ARG2: variants seen among roughly 807,000 people sequenced by gnomAD.
ARG2 encodes the protein arginase-2, mitochondrial.
In ARG2, 21 loss-of-function variants were observed where a neutral mutation model predicts 39.4. The observed-to-expected ratio is 0.53, with a 90% CI of 0.38 to 0.77. The LOEUF is 0.77. Ranked by LOEUF, ARG2 falls within the 30% of genes least tolerant of loss-of-function variation. The pLI, the probability that ARG2 is intolerant of heterozygous loss-of-function variation, is 0.00. For synonymous variants in ARG2, 150 were observed against 156.7 expected (o/e 0.96, Z 0.32); for missense variants, 378 against 426.2 (o/e 0.89, Z 1.00).
intron 2 of ARG2, among the ~76,000 whole-genome samples, chr14:67,629,969 C>T (rs1026736942): frequency 6.6e-6 from 1 of 152,152 alleles, no homozygotes; most frequent in Non-Finnish European, 1.5e-5. Context: ...AAAAAATCAT[C>T]CTAAATGCAT....
intron 2 of ARG2, among the ~76,000 whole-genome samples, chr14:67,640,003 G>A (rs1172969150): frequency 6.8e-6 from 1 of 148,000 alleles, no homozygotes; most frequent in African/African-American, 2.5e-5. Context: ...ACTTGATATT[G>A]ACTTGAAGGT....
At chr14:67,620,418 G>A (rs2036797067) in intron 1 of ARG2, among the ~76,000 whole-genome samples, 1 of 152,106 alleles carries the variant, frequency 6.6e-6, no homozygotes, top group Non-Finnish European at 1.5e-5. Context: ...CCTTGGAGGG[G>A]CTGGAGGAGG....
chr14:67,636,549 T>C (rs1209138578), intron 2 of ARG2, among the ~76,000 whole-genome samples: 1 of 152,216 alleles, frequency 6.6e-6, no homozygotes, highest in Non-Finnish European at 1.5e-5. Context: ...GAAATAGAAG[T>C]GCTGTTCACA....
At chr14:67,645,890 T>G (rs1594829715) in intron 4 of ARG2, 88 bp downstream of exon 4, 2 of 1,472,962 alleles carry the variant, frequency 1.4e-6, no homozygotes, top group South Asian at 2.6e-5. Flanking sequence ...TGGTGAAGGG[T>G]GGGTTGAGTG....
intron 2 of ARG2, among the ~76,000 whole-genome samples, chr14:67,639,724 C>T (rs971665759): frequency 6.6e-6 from 1 of 151,996 alleles, no homozygotes; most frequent in Non-Finnish European, 1.5e-5. Flanking sequence ...AGTTCGAGAC[C>T]AGCCTAGCCA....
In ARG2 at chr14:67,650,920, G is replaced by A. The variant is rs780811499; in HGVS notation, c.1065G>A (p.Ter355=). ...AAAATCAAGCACGTGTGAGAATTTA[G>A]GAGACACTGTGCACTGACATGTTTC... The part of the protein sequence containing the change: ...ESENQARVRI[*] Residue 355 remains the stop codon, a stop_retained_variant, in exon 8 of 8, where the codon TAG becomes TAA. Transcript: ENST00000261783. 15 of 1,613,608 alleles carry A rather than the reference G, an allele frequency of 9.3e-6. No individual in the cohort carries two copies. Among genetic ancestry groups the A allele is most frequent in the South Asian group, 2.2e-5 (2 of 91,076 alleles).
chr14:67,623,505 A>G (rs2036831864), intron 2 of ARG2, among the ~76,000 whole-genome samples: 1 of 148,410 alleles, frequency 6.7e-6, no homozygotes, highest in South Asian at 2.1e-4. Context: ...TGGGCTTAGT[A>G]AGGACACTCA....
chr14:67,651,349 C>A lies in ARG2; in HGVS notation c.*429C>A. The A allele has an allele frequency of 1.2e-6, 2 of 1,612,618 alleles. No homozygotes were observed. Among genetic ancestry groups the A allele is most frequent in the South Asian group, 2.2e-5 (2 of 90,902 alleles). ...CCCTAACATCATGCATTCACAAGGT[C>A]AAAGTTCTGGTCCACAAACCCTTCC... On this transcript the variant is annotated 3_prime_UTR_variant, in exon 8 of 8. Coordinates refer to ENST00000261783, the MANE Select transcript of ARG2 (RefSeq NM_001172.4).
intron 3 of ARG2, among the ~76,000 whole-genome samples, chr14:67,643,248 G>C (rs796768203): frequency 5.3e-5 from 8 of 152,308 alleles, no homozygotes; most frequent in African/African-American, 1.7e-4. Context: ...CAGGAAATTT[G>C]TGATATATTA....
intron 2 of ARG2, among the ~76,000 whole-genome samples, chr14:67,630,512 A>G (rs929251974): frequency 3.9e-5 from 6 of 152,152 alleles, no homozygotes; most frequent in South Asian, 2.1e-4. Context: ...TGCTTATCCT[A>G]TTGTCCAGAA....
intron 2 of ARG2, among the ~76,000 whole-genome samples, chr14:67,637,165 T>C (rs2036980068): frequency 6.6e-6 from 1 of 151,902 alleles, no homozygotes; most frequent in Non-Finnish European, 1.5e-5. Context: ...ATCCTAGCGC[T>C]TTGGGAGGCT....
chr14:67,635,825 G>A (rs146510076), intron 2 of ARG2, among the ~76,000 whole-genome samples: 2 of 152,264 alleles, frequency 1.3e-5, no homozygotes, highest in South Asian at 2.1e-4. Context: ...TCACTCCAGC[G>A]TGGGTGAAAG....
chr14:67,641,747 T>TG (rs2037033649), intron 2 of ARG2, among the ~76,000 whole-genome samples: 1 of 152,158 alleles, frequency 6.6e-6, no homozygotes, highest in Non-Finnish European at 1.5e-5. Flanking sequence ...TGAGACCAGC[T>TG]GGGGCAACAT....
Position 67,650,918 on chromosome 14 carries a change from T to G in ARG2, c.1063T>G (p.Ter355GluextTer19). 1 of 1,613,788 alleles carries G rather than the reference T, an allele frequency of 6.2e-7. No individual in the cohort carries two copies. Among genetic ancestry groups the G allele is most frequent in the Non-Finnish European group, 8.5e-7 (1 of 1,179,876 alleles). ...ESENQARVRI[*>E] is the part of the protein sequence containing the mutation. ...AGAAAATCAAGCACGTGTGAGAATT[T>G]AGGAGACACTGTGCACTGACATGTT... Residue 355 changes from the stop codon to glutamate (E), a stop_lost, in exon 8 of 8, where the codon TAG becomes GAG. Coordinates refer to ENST00000261783, the MANE Select transcript of ARG2 (RefSeq NM_001172.4).
chr14:67,630,578 G>GTTTA (rs375672749), intron 2 of ARG2, among the ~76,000 whole-genome samples: 3 of 152,128 alleles, frequency 2.0e-5, no homozygotes, highest in Admixed American at 6.6e-5. Context: ...TAGTTTTTAT[G>GTTTA]TTTATTTATT....
rs1594832396 is a variant in ARG2 at position 67,651,266 on chromosome 14, A to G, written c.*346A>G. On this transcript the variant is annotated 3_prime_UTR_variant, in exon 8 of 8. Coordinates refer to ENST00000261783, the MANE Select transcript of ARG2 (RefSeq NM_001172.4). Reference sequence around the variant, plus strand: ...TCCTCCCTCCTCCCACAGCCTGGCTATACAGTGCATCCTTGAACTGTCAGC... The same window carrying G: ...TCCTCCCTCCTCCCACAGCCTGGCTGTACAGTGCATCCTTGAACTGTCAGC... The G allele has an allele frequency of 1.9e-6, 3 of 1,575,456 alleles. No individual in the cohort carries two copies. Among genetic ancestry groups the G allele is most frequent in the East Asian group, 2.3e-5 (1 of 44,224 alleles).
At chr14:67,642,793 C>CTTTTTT (rs869215946) in intron 3 of ARG2, among the ~76,000 whole-genome samples, 2,019 of 75,534 alleles carry the variant, frequency 0.027, 586 homozygotes, top group South Asian at 0.095. Flanking sequence ...ACTACATTTT[C>CTTTTTT]TTTTTTTTTT....
chr14:67,629,808 G>C (rs1364559814), intron 2 of ARG2, among the ~76,000 whole-genome samples: 1 of 152,218 alleles, frequency 6.6e-6, no homozygotes, highest in Admixed American at 6.5e-5. Context: ...CCAAGGACTT[G>C]CGTTAGTGAA....
intron 2 of ARG2, among the ~76,000 whole-genome samples, chr14:67,628,938 G>T (rs1374653457): frequency 6.6e-6 from 1 of 152,222 alleles, no homozygotes; most frequent in Non-Finnish European, 1.5e-5. Context: ...GTTCACAGCA[G>T]TATTAACAAT....
Sources: allele counts gnomAD v4.1 joint callset (sites outside exome capture counted in the v4.1 genomes callset), GRCh38; gene constraint gnomAD v4.1.1; transcripts MANE v1.5; gene names NCBI Gene and HGNC (gene_info 2026-07-23, HGNC 2026-07-21).